CLCN4: variants seen among roughly 807,000 people sequenced by gnomAD.
CLCN4 encodes H(+)/Cl(-) exchange transporter 4.
In CLCN4, 1 loss-of-function variant was observed where a neutral mutation model predicts 41.7. The observed-to-expected ratio is 0.02, with a 90% CI of 0.01 to 0.11. CLCN4 has a LOEUF of 0.11. CLCN4 is among the 10% of genes least tolerant of loss of function. The probability of loss-of-function intolerance (pLI) is 1.00; values close to 1 mark genes in which losing one functional copy is unlikely to be tolerated. For missense variants in CLCN4, 287 were observed against 661.0 expected, an observed-to-expected ratio of 0.43 and a Z score of 6.20; for synonymous variants, 277 against 285.8, an observed-to-expected ratio of 0.97 and a Z score of 0.31.
intron 9 of CLCN4, among the ~76,000 whole-genome samples, chrX:10,212,110 G>C (rs1421613366): frequency 8.9e-6 from 1 of 112,186 alleles, no homozygotes; most frequent in Non-Finnish European, 1.9e-5. Context: ...CATTCTGAAT[G>C]ACATGGCAAG....
At position 10,234,220 on chromosome X, in the gene CLCN4, C is replaced by A. The variant is rs952235507; in HGVS notation, c.*636C>A. 8.9e-6 allele frequency: 1 copy of A among 112,619 alleles called. No individual in the cohort carries two copies. The highest frequency in any genetic ancestry group is 1.9e-5 in the Non-Finnish European group (1 of 53,447). The allele number at this position is 112,619 out of a possible 1,213,427, so 9.3% of individuals were successfully genotyped here. On this transcript the variant is annotated 3_prime_UTR_variant, in exon 13 of 13. Coordinates refer to ENST00000380833, the MANE Select transcript of CLCN4 (RefSeq NM_001830.4). The stretch of plus-strand genomic sequence containing the variant: ...TCAGTTTCTGAACCAACATCAGGGG[C>A]ACCTGCCATGATGAGTGTGAAGAAA...
At position 10,212,837 on chromosome X, in the gene CLCN4, G is replaced by GCACACACACA. The variant is rs199932119; in HGVS notation, c.1576+186_1576+187insCACACACACA. ...ACCAAGGCTATGTCTCGCTCACTAT[G>GCACACACACA]CAGACACACACACACACACACAAAC... On this transcript the variant is annotated intron_variant, in intron 10 of 12. Transcript: ENST00000380833. 4.0e-3 allele frequency among the ~76,000 whole-genome samples: 424 copies of GCACACACACA among 106,586 alleles called. 4 individuals are homozygous for GCACACACACA. Among genetic ancestry groups the GCACACACACA allele is most frequent in the African/African-American group, 0.014 (397 of 28,586 alleles). 92.6% of individuals were successfully genotyped at this position (106,586 alleles called of 115,157 possible). A position where few individuals can be genotyped will look rare whatever the true frequency, so the allele number is the denominator to read the frequency against.
intron 6 of CLCN4, among the ~76,000 whole-genome samples, chrX:10,198,695 G>A (rs1282584451): frequency 8.9e-6 from 1 of 112,366 alleles, no homozygotes. Flanking sequence ...TGACCTCACC[G>A]ATTAAGAGGA....
At chrX:10,211,265 CAAAAAAAAAA>C (rs71774120) in intron 9 of CLCN4, among the ~76,000 whole-genome samples, 2 of 48,808 alleles carry the variant, frequency 4.1e-5, no homozygotes, top group Non-Finnish European at 6.6e-5. Flanking sequence ...GATTCCGTCT[CAAAAAAAAAA>C]AAAAAAAAAA....
intron 12 of CLCN4, among the ~76,000 whole-genome samples, chrX:10,230,466 T>G (rs1332187312): frequency 8.9e-6 from 1 of 111,989 alleles, no homozygotes; most frequent in Non-Finnish European, 1.9e-5. Flanking sequence ...GGGCCCTCAT[T>G]ATGACAGTTG....
chrX:10,208,653 C>G, intron 9 of CLCN4, 63 bp downstream of exon 9: 1 of 1,038,391 alleles, frequency 9.6e-7, no homozygotes, highest in Non-Finnish European at 1.3e-6. Flanking sequence ...GCACCCTACT[C>G]TCTAAAATAA....
chrX:10,193,751 A>C (rs1221179974), intron 4 of CLCN4, among the ~76,000 whole-genome samples: 1 of 112,021 alleles, frequency 8.9e-6, no homozygotes, highest in Non-Finnish European at 1.9e-5. Context: ...TGAATGGTGT[A>C]GCTGTGCTCC....
Position 10,187,558 on chromosome X carries a change from G to A in CLCN4, c.188G>A (p.Ser63Asn). 2 of 1,211,568 alleles carry A rather than the reference G, an allele frequency of 1.7e-6. No individual in the cohort carries two copies. The highest frequency in any genetic ancestry group is 2.2e-6 in the Non-Finnish European group (2 of 895,163). Residue 63 changes from serine (S) to asparagine (N), a missense_variant, in exon 4 of 13, where the codon AGC (serine) becomes AAC (asparagine). Transcript: ENST00000380833. The part of the protein sequence containing the change: ...SKESIWEFIK[S>N]LLDAWSGWVV... ...GAGTCCATATGGGAGTTCATCAAGA[G>A]CCTGCTGGATGCCTGGTCGGGATGG...
chrX:10,163,595 C>T (rs766121134), intron 2 of CLCN4, among the ~76,000 whole-genome samples: 3 of 110,401 alleles, frequency 2.7e-5, no homozygotes, highest in Admixed American at 1.9e-4. Context: ...TTAGTAGAGA[C>T]GAGTTTCACC....
Position 10,208,277 on chromosome X carries a change from G to A in CLCN4, c.1076G>A (p.Arg359Lys). 1 of 1,211,551 alleles carries A rather than the reference G, an allele frequency of 8.3e-7. No homozygotes were observed. The highest frequency in any genetic ancestry group is 1.1e-6 in the Non-Finnish European group (1 of 895,474). The change falls in exon 9 of 13, where the codon AGG (arginine) becomes AAG (lysine). Residue 359 changes from arginine (R) to lysine (K), a missense_variant. By Grantham distance (26) the Arg-to-Lys change is conservative. Coordinates refer to ENST00000380833, the MANE Select transcript of CLCN4 (RefSeq NM_001830.4). Reference sequence around the variant, plus strand: ...CGCTGCAACATCGCCTGGTGCAGGAGGCGCAAGACCACCAGGCTGGGGAAG... The same window carrying A: ...CGCTGCAACATCGCCTGGTGCAGGAAGCGCAAGACCACCAGGCTGGGGAAG... The part of the protein sequence containing the change: ...FIRCNIAWCR[R>K]RKTTRLGKYP...
At chrX:10,188,612 C>G (rs938101459) in intron 4 of CLCN4, among the ~76,000 whole-genome samples, 5 of 112,317 alleles carry the variant, frequency 4.5e-5, no homozygotes, top group African/African-American at 1.6e-4. Flanking sequence ...AGGTTAATGT[C>G]TAAGAATAAA....
At chrX:10,170,075 A>G (rs1350194202) in intron 2 of CLCN4, among the ~76,000 whole-genome samples, 1 of 111,958 alleles carries the variant, frequency 8.9e-6, no homozygotes, top group Non-Finnish European at 1.9e-5. Flanking sequence ...GGCATGAGCC[A>G]CCACACCCGC....
At chrX:10,230,294 G>T (rs1381291221) in intron 12 of CLCN4, among the ~76,000 whole-genome samples, 4 of 111,620 alleles carry the variant, frequency 3.6e-5, no homozygotes, top group African/African-American at 1.3e-4. Flanking sequence ...GGCCTGGACT[G>T]CTCTTCTCAG....
chrX:10,208,488 T>C lies in CLCN4; in HGVS notation c.1287T>C (p.Ile429=). 8.3e-7 allele frequency: 1 copy of C among 1,210,998 alleles called. No homozygotes were observed. Among genetic ancestry groups the C allele is most frequent in the Non-Finnish European group, 1.1e-6 (1 of 895,217 alleles). ...ACATGACTCGGCCTGTGGATGACAT[T>C]CCAGACCGGCCGGCTGGTGTCGGTG... ...DPNMTRPVDD[I]PDRPAGVGVY... Residue 429 remains isoleucine, a synonymous_variant, in exon 9 of 13, where the codon ATT becomes ATC. Transcript: ENST00000380833.
intron 9 of CLCN4, among the ~76,000 whole-genome samples, chrX:10,209,827 A>G (rs1382710446): frequency 9.4e-6 from 1 of 106,737 alleles, no homozygotes; most frequent in African/African-American, 3.4e-5. Flanking sequence ...TTGTTATTAT[A>G]GCTTTTTTTT....
chrX:10,185,633 C>A (rs1430341843), intron 3 of CLCN4, among the ~76,000 whole-genome samples: 1 of 111,808 alleles, frequency 8.9e-6, no homozygotes, highest in Non-Finnish European at 1.9e-5. Flanking sequence ...GGTAACATTT[C>A]AGTTGGGTCT....
chrX:10,174,979 A>T (rs766032545), intron 2 of CLCN4, among the ~76,000 whole-genome samples: 1 of 112,420 alleles, frequency 8.9e-6, no homozygotes, highest in African/African-American at 3.2e-5. Flanking sequence ...TGTAAACGGG[A>T]TCACACAGAG....
At chrX:10,168,685 T>C (rs1332105197) in intron 2 of CLCN4, among the ~76,000 whole-genome samples, 1 of 111,163 alleles carries the variant, frequency 9.0e-6, no homozygotes, top group African/African-American at 3.3e-5. Flanking sequence ...GCTTGATGAA[T>C]TGTCACAAGG....
Position 10,194,907 on chromosome X carries a change from C to A in CLCN4, c.245-4C>A, listed in dbSNP as rs374850313. On this transcript the variant is annotated splice_polypyrimidine_tract_variant and splice_region_variant and intron_variant, in intron 4 of 12. Coordinates refer to ENST00000380833, the MANE Select transcript of CLCN4 (RefSeq NM_001830.4). ...CTCTTAGTGGCTCGTGTTACTTCTTCCAGGCACCTTGGCTGGGGTCATCGA... is the reference window on the plus strand; with the variant it reads ...CTCTTAGTGGCTCGTGTTACTTCTTACAGGCACCTTGGCTGGGGTCATCGA... 5.0e-6 allele frequency: 6 copies of A among 1,207,643 alleles called. No homozygotes were observed. In the African/African-American group the frequency reaches 1.1e-4, roughly 21 times the overall value.
Sources: gnomAD v4.1 joint callset for allele counts (sites outside exome capture counted in the v4.1 genomes callset) on GRCh38, gnomAD v4.1.1 for gene constraint, MANE v1.5 for transcripts, NCBI Gene and HGNC (gene_info 2026-07-23, HGNC 2026-07-21) for gene names.